The following ATP11C variants were observed in gnomAD, a reference collection of about 807,000 sequenced individuals.
The protein encoded by ATP11C is ATPase phospholipid transporting 11C (ATP11C blood group).
A neutral mutation model predicts 97.4 loss-of-function variants in ATP11C; 36 were observed. That is an observed-to-expected ratio of 0.37 (90% confidence interval 0.28 to 0.49). ATP11C has a LOEUF of 0.49. Among genes scored for constraint, ATP11C ranks in the 20% least tolerant of loss-of-function variants. The pLI is 0.98. For missense variants in ATP11C, 730 were observed against 824.6 expected (o/e 0.89, Z 1.40); for synonymous variants, 275 against 290.9 (o/e 0.95, Z 0.56).
chrX:139,893,741 CAA>C (rs35487068), intron 1 of ATP11C, among the ~76,000 whole-genome samples: 4 of 84,583 alleles, frequency 4.7e-5, no homozygotes, highest in Admixed American at 1.3e-4. Context: ...TAACAAACTA[CAA>C]AAAAAAAAAA....
At chrX:139,783,632 G>C (rs758170197) in intron 16 of ATP11C, among the ~76,000 whole-genome samples, 1 of 111,663 alleles carries the variant, frequency 9.0e-6, no homozygotes, top group Non-Finnish European at 1.9e-5. Flanking sequence ...CAGCATTGTG[G>C]GAGGCTGAAG....
chrX:139,928,439 T>C (rs1356822369), intron 1 of ATP11C, among the ~76,000 whole-genome samples: 1 of 111,675 alleles, frequency 9.0e-6, no homozygotes, highest in Non-Finnish European at 1.9e-5. Flanking sequence ...AATGTTTAAT[T>C]ACTCTGATAG....
chrX:139,919,444 AACACACACACACACACACACAC>A (rs370999462), intron 1 of ATP11C, among the ~76,000 whole-genome samples: 7 of 73,950 alleles, frequency 9.5e-5, no homozygotes, highest in African/African-American at 3.0e-4. Flanking sequence ...CTCAAACTTA[AACACACACACACACACACACAC>A]ACACACACAC....
chrX:139,788,617 G>A (rs1160727720), intron 13 of ATP11C, among the ~76,000 whole-genome samples: 2 of 111,649 alleles, frequency 1.8e-5, no homozygotes, highest in Non-Finnish European at 3.8e-5. Context: ...ACTTCTTCAT[G>A]GCCTAAAAAA....
intron 28 of ATP11C, among the ~76,000 whole-genome samples, chrX:139,732,177 C>T (rs1349866338): frequency 9.0e-6 from 1 of 110,792 alleles, no homozygotes; most frequent in African/African-American, 3.3e-5. Flanking sequence ...AACAGACTAG[C>T]TCTAACACGC....
At chrX:139,913,701 A>G (rs2085112070) in intron 1 of ATP11C, among the ~76,000 whole-genome samples, 1 of 110,311 alleles carries the variant, frequency 9.1e-6, no homozygotes, top group Non-Finnish European at 1.9e-5. Flanking sequence ...TCCTTTACCT[A>G]CCCAAATCCT....
chrX:139,737,886 A>G (rs1214833968), intron 28 of ATP11C, 30 bp downstream of exon 28: 2 of 1,194,221 alleles, frequency 1.7e-6, no homozygotes, highest in South Asian at 3.7e-5. Flanking sequence ...CCTTCCAAAA[A>G]TCAGGTTGTA....
intron 19 of ATP11C, among the ~76,000 whole-genome samples, chrX:139,769,387 C>A (rs2082210771): frequency 1.1e-5 from 1 of 92,912 alleles, no homozygotes; most frequent in Non-Finnish European, 2.1e-5. Context: ...CCATTCAAAT[C>A]ATCTGGGTGG....
intron 1 of ATP11C, among the ~76,000 whole-genome samples, chrX:139,878,248 C>G (rs1427016334): frequency 9.0e-6 from 1 of 111,315 alleles, no homozygotes; most frequent in African/African-American, 3.3e-5. Flanking sequence ...AGCACAATGT[C>G]TGGCACACTG....
chrX:139,887,111 C>T (rs1404021798), intron 1 of ATP11C, among the ~76,000 whole-genome samples: 2 of 111,642 alleles, frequency 1.8e-5, no homozygotes, highest in East Asian at 5.6e-4. Flanking sequence ...TAGTTTTTTT[C>T]GTCTTATCAA....
At chrX:139,780,313 C>T (rs949474357) in intron 18 of ATP11C, among the ~76,000 whole-genome samples, 1 of 111,442 alleles carries the variant, frequency 9.0e-6, no homozygotes, top group African/African-American at 3.3e-5. Flanking sequence ...AAAATACTAG[C>T]AAACTGAAAC....
At position 139,889,061 on chromosome X, in the gene ATP11C, G is replaced by A. The variant is rs191382145; in HGVS notation, c.27+42955C>T. On this transcript the variant is annotated intron_variant, in intron 1 of 29. Coordinates refer to ENST00000682941, the MANE Select transcript of ATP11C (RefSeq NM_001353812.2). The stretch of plus-strand genomic sequence containing the variant: ...GACCTCAAGTAACTCGCTCACCTTG[G>A]CCTCCCAAAGTGCTAGGATTACAGG... 7.1e-3 allele frequency among the ~76,000 whole-genome samples: 794 copies of A among 111,651 alleles called. 8 individuals are homozygous for A. The highest frequency in any genetic ancestry group is 0.024 in the African/African-American group (744 of 30,721).
intron 19 of ATP11C, 150 bp downstream of exon 19, chrX:139,774,540 T>A (rs1037048836): frequency 1.9e-4 from 90 of 475,971 alleles, no homozygotes; most frequent in Admixed American, 4.6e-4. Flanking sequence ...GGGCCATTAT[T>A]CAAGTCCTCA....
upstream of ATP11C, among the ~76,000 whole-genome samples, chrX:139,936,331 C>T (rs2085515345): frequency 9.0e-6 from 1 of 111,037 alleles, no homozygotes. Context: ...CTCACAGTTT[C>T]CAAAGAAAAC....
chrX:139,865,968 G>A (rs1288395827), intron 1 of ATP11C, among the ~76,000 whole-genome samples: 1 of 111,161 alleles, frequency 9.0e-6, no homozygotes, highest in East Asian at 2.8e-4. Context: ...CTTTTTCAAT[G>A]TTTACCACAT....
chrX:139,774,633 G>T lies in ATP11C; in HGVS notation c.2216+57C>A, dbSNP rs779045928. 1.3e-5 allele frequency: 13 copies of T among 1,037,633 alleles called. No individual in the cohort carries two copies. In the East Asian group the frequency reaches 4.0e-4, roughly 32 times the overall value. 85.5% of individuals were successfully genotyped at this position (1,037,633 alleles called of 1,213,427 possible). A position where few individuals can be genotyped will look rare whatever the true frequency, so the allele number is the denominator to read the frequency against. ...GAAAATGAAGCCTTTTGTATATGCA[G>T]CTGTGATTTACATCTACACCAATGT... is the stretch of plus-strand genomic sequence containing the variant. On this transcript the variant is annotated intron_variant, in intron 19 of 29. Coordinates refer to ENST00000682941, the MANE Select transcript of ATP11C (RefSeq NM_001353812.2).
At chrX:139,925,455 T>TTGTAGCCCAGTCTGAAATACATAA (rs1569493596) in intron 1 of ATP11C, among the ~76,000 whole-genome samples, 2 of 100,190 alleles carry the variant, frequency 2.0e-5, no homozygotes, top group East Asian at 6.4e-4. Flanking sequence ...CTGGCTAATT[T>TTGTAGCCCAGTCTGAAATACATAA]TGTAGCCCAG....
chrX:139,935,547 G>T (rs2085512514), upstream of ATP11C, among the ~76,000 whole-genome samples: 1 of 110,819 alleles, frequency 9.0e-6, no homozygotes, highest in Non-Finnish European at 1.9e-5. Flanking sequence ...CTCCAGCCTG[G>T]GTGACAAGAG....
At chrX:139,836,094 G>C (rs1359556931) in intron 1 of ATP11C, among the ~76,000 whole-genome samples, 10 of 96,805 alleles carry the variant, frequency 1.0e-4, no homozygotes, top group African/African-American at 3.8e-4. Context: ...CTTGCCACCT[G>C]TTTCAGCCTA....
Sources: gnomAD v4.1 joint callset for allele counts (sites outside exome capture counted in the v4.1 genomes callset) on GRCh38, gnomAD v4.1.1 for gene constraint, MANE v1.5 for transcripts, NCBI Gene and HGNC (gene_info 2026-07-23, HGNC 2026-07-21) for gene names.